Variants in PUS7 observed in about 807,000 individuals in gnomAD.
The protein encoded by PUS7 is pseudouridine synthase 7.
In PUS7, 48 loss-of-function variants were observed where a neutral mutation model predicts 79.8. That is an observed-to-expected ratio of 0.60 (90% confidence interval 0.48 to 0.76). The LOEUF is 0.76. Ranked by LOEUF, PUS7 falls within the 30% of genes least tolerant of loss-of-function variation. The pLI, the probability that PUS7 is intolerant of heterozygous loss-of-function variation, is 0.00. For missense variants in PUS7, 729 were observed against 797.6 expected (o/e 0.91, Z 1.04); for synonymous variants, 286 against 272.2 (o/e 1.05, Z -0.50).
At chr7:105,458,571 ATTT>A (rs1184288709) in intron 15 of PUS7, among the ~76,000 whole-genome samples, 2 of 124,892 alleles carry the variant, frequency 1.6e-5, no homozygotes. Flanking sequence ...CCAGCCACCA[ATTT>A]TTTTTTTTTT....
chr7:105,495,286 C>T (rs778861433), intron 5 of PUS7, 33 bp from the exon 6 acceptor site: 1 of 1,233,528 alleles, frequency 8.1e-7, no homozygotes, highest in Admixed American at 1.8e-5. Flanking sequence ...TTATATATAC[C>T]ATAATAAAAG....
chr7:105,457,761 CGTTTTCTAAT>C lies in PUS7; in HGVS notation c.*19_*28del. 1 of 1,606,078 alleles carries C rather than the reference CGTTTTCTAAT, an allele frequency of 6.2e-7. No individual in the cohort carries two copies. Among genetic ancestry groups the C allele is most frequent in the Non-Finnish European group, 8.5e-7 (1 of 1,175,474 alleles). On this transcript the variant is annotated 3_prime_UTR_variant, in exon 16 of 16. Coordinates refer to ENST00000469408, the MANE Select transcript of PUS7 (RefSeq NM_019042.5). The stretch of plus-strand genomic sequence containing the variant: ...GAGCCAGGAAGCAAACACTTGTGTA[CGTTTTCTAAT>C]CTGTGGACAAGGTACTGCTCAGCGA...
chr7:105,515,888 C>A (rs1230110108), intron 1 of PUS7, among the ~76,000 whole-genome samples: 2 of 151,850 alleles, frequency 1.3e-5, no homozygotes, highest in African/African-American at 4.8e-5. Context: ...TGGCTCACTG[C>A]AACCTCTGCT....
Position 105,496,975 on chromosome 7 carries a change from T to C in PUS7, c.731-1722A>G, listed in dbSNP as rs552374333. 2.5e-6 allele frequency: 3 copies of C among 1,218,490 alleles called. No homozygotes were observed. In the South Asian group the frequency reaches 4.3e-5, roughly 17 times the overall value. 75.5% of individuals were successfully genotyped at this position (1,218,490 alleles called of 1,614,324 possible). ...TTACCTGCTGCAGTTCTGACCTCTG[T>C]CCAAATGCACAGCATAAAGAGCACA... On this transcript the variant is annotated intron_variant, in intron 5 of 15. Coordinates refer to ENST00000469408, the MANE Select transcript of PUS7 (RefSeq NM_019042.5).
At chr7:105,502,113 T>C (rs973671661) in intron 5 of PUS7, among the ~76,000 whole-genome samples, 3 of 152,040 alleles carry the variant, frequency 2.0e-5, no homozygotes, top group Non-Finnish European at 2.9e-5. Context: ...TCTTCTTGAA[T>C]TGCCACTCAG....
chr7:105,506,417 ATTTTTTTTTTCTT>A, intron 2 of PUS7, 144 bp from the exon 3 acceptor site: 1 of 567,320 alleles, frequency 1.8e-6, no homozygotes, highest in South Asian at 2.6e-5. Flanking sequence ...CATGGAGTTA[ATTTTTTTTTTCTT>A]TTTTTTTTTT....
At chr7:105,458,765 G>A (rs1301252368) in intron 15 of PUS7, among the ~76,000 whole-genome samples, 1 of 151,552 alleles carries the variant, frequency 6.6e-6, no homozygotes, top group Non-Finnish European at 1.5e-5. Flanking sequence ...AGTAGAGACG[G>A]GGTTTCACCG....
intron 4 of PUS7, among the ~76,000 whole-genome samples, chr7:105,505,018 T>TTTTTTTTTTTTTTTTTTTTTTTTGAAG (rs1562815532): frequency 6.7e-6 from 1 of 150,258 alleles, no homozygotes; most frequent in Non-Finnish European, 1.5e-5. Flanking sequence ...TTTTTTTTTT[T>TTTTTTTTTTTTTTTTTTTTTTTTGAAG]GATATGGAGT....
At position 105,470,823 on chromosome 7, in the gene PUS7, G is replaced by T. The variant is rs762525045; in HGVS notation, c.1263C>A (p.Cys421Ter). ...CTTTGGTCTTTGCCCATTCTTCTCT[G>T]CATTTAACCAAGTAGCCCTTTTCAG... ...SGAEKGYLVK[C>*]REEWAKTKDP... The change falls in exon 11 of 16, where the codon TGC (cysteine) becomes TGA (stop). Residue 421 changes from cysteine (C) to a stop codon, truncating the protein, a stop_gained. Transcript: ENST00000469408. LOFTEE classifies it high-confidence loss of function. 7 of 1,604,480 alleles carry T rather than the reference G, an allele frequency of 4.4e-6. No homozygotes were observed. The highest frequency in any genetic ancestry group is 3.4e-5 in the Admixed American group (2 of 59,362).
intron 12 of PUS7, 46 bp downstream of exon 12, chr7:105,468,291 A>T: frequency 6.3e-7 from 1 of 1,592,214 alleles, no homozygotes; most frequent in Non-Finnish European, 8.5e-7. Flanking sequence ...GTGGCAACTA[A>T]CTGAACCCTA....
intron 7 of PUS7, among the ~76,000 whole-genome samples, chr7:105,484,855 AT>A (rs1172322541): frequency 0.013 from 1,469 of 116,852 alleles, 20 homozygotes; most frequent in African/African-American, 0.036. Context: ...CCAGTCAGAG[AT>A]TTTTTTTTTT....
chr7:105,505,365 A>G (rs886265207), intron 4 of PUS7, among the ~76,000 whole-genome samples: 3 of 152,136 alleles, frequency 2.0e-5, no homozygotes, highest in African/African-American at 2.4e-5. Flanking sequence ...CTTTTCTTCA[A>G]TAGCAGAATT....
intron 5 of PUS7, among the ~76,000 whole-genome samples, chr7:105,497,905 CATA>C (rs1308844296): frequency 6.6e-6 from 1 of 152,114 alleles, no homozygotes; most frequent in Non-Finnish European, 1.5e-5. Flanking sequence ...TGAAAATGTC[CATA>C]ATAAAAACTT....
chr7:105,492,507 T>A lies in PUS7; in HGVS notation c.843-890A>T, dbSNP rs865777073. 1.8e-3 allele frequency among the ~76,000 whole-genome samples: 248 copies of A among 137,554 alleles called. 1 individual carries two copies. Among genetic ancestry groups the A allele is most frequent in the African/African-American group, 6.5e-3 (240 of 36,660 alleles). The allele number at this position is 137,554 out of a possible 152,430, so 90.2% of individuals were successfully genotyped here. ...ATCTGGCTGATTTTTTGTATTTTTTTTTTTTTTTTTTTTTTTGAGACAGAG... is the reference window on the plus strand; with the variant it reads ...ATCTGGCTGATTTTTTGTATTTTTTATTTTTTTTTTTTTTTTGAGACAGAG... On this transcript the variant is annotated intron_variant, in intron 6 of 15. Transcript: ENST00000469408.
chr7:105,485,330 C>CT (rs1824501454), intron 7 of PUS7, among the ~76,000 whole-genome samples: 1 of 152,110 alleles, frequency 6.6e-6, no homozygotes. Flanking sequence ...CTGCCTCGGC[C>CT]TCCCGAGTAG....
At chr7:105,470,559 C>A in intron 11 of PUS7, 129 bp downstream of exon 11, 1 of 1,131,056 alleles carries the variant, frequency 8.8e-7, no homozygotes, top group Non-Finnish European at 1.2e-6. Flanking sequence ...AGGTGAAACA[C>A]CTCAGAGATC....
rs578003444 is a variant in PUS7 at position 105,481,206 on chromosome 7, A to G, written c.1050-29T>C. 29 of 1,591,778 alleles carry G rather than the reference A, an allele frequency of 1.8e-5. No individual in the cohort carries two copies. In the South Asian group the frequency reaches 2.7e-4, roughly 15 times the overall value. On this transcript the variant is annotated intron_variant, in intron 8 of 15. Coordinates refer to ENST00000469408, the MANE Select transcript of PUS7 (RefSeq NM_019042.5). ...CAGGGACACAAATTATCCAGAGGAA[A>G]AAAAGTTACAGTCAAATACTCAGGG...
chr7:105,491,557 T>C lies in PUS7; in HGVS notation c.903A>G (p.Gln301=), dbSNP rs1026062582. The change falls in exon 7 of 16, where the codon CAA becomes CAG. Residue 301 remains glutamine, a synonymous_variant. Coordinates refer to ENST00000469408, the MANE Select transcript of PUS7 (RefSeq NM_019042.5). ...CTACTTACTTGAGAACAGCAATTTC[T>C]TGAACTGTTATAGCCCTTTTATCTT... The part of the protein sequence containing the change: ...GTKDKRAITV[Q]EIAVLKITAQ... The C allele has an allele frequency of 6.3e-6, 10 of 1,597,142 alleles. No homozygotes were observed. The highest frequency in any genetic ancestry group is 8.6e-6 in the Non-Finnish European group (10 of 1,165,498).
intron 9 of PUS7, among the ~76,000 whole-genome samples, chr7:105,473,621 G>C (rs1316957058): frequency 6.6e-6 from 1 of 151,656 alleles, no homozygotes; most frequent in African/African-American, 2.4e-5. Context: ...GTTGTGCCAT[G>C]TTGGCCAGAC....
Sources: gnomAD v4.1 joint callset for allele counts (sites outside exome capture counted in the v4.1 genomes callset) on GRCh38, gnomAD v4.1.1 for gene constraint, MANE v1.5 for transcripts, NCBI Gene and HGNC (gene_info 2026-07-23, HGNC 2026-07-21) for gene names.